IL10RB: variants seen among roughly 807,000 people sequenced by gnomAD.
IL10RB encodes interleukin-10 receptor subunit beta.
IL10RB carries 30 observed loss-of-function variants against 38.7 expected under a neutral mutation model. The ratio of observed to expected loss-of-function variants is 0.78; its 90% confidence interval spans 0.58 to 1.05. The LOEUF (loss-of-function observed/expected upper bound fraction) is 1.05. Among genes scored for constraint, IL10RB ranks in the 50% least tolerant of loss-of-function variants. IL10RB has a pLI of 0.00. For missense variants in IL10RB, 328 were observed against 397.1 expected (o/e 0.83, Z 1.48); for synonymous variants, 142 against 145.9 (o/e 0.97, Z 0.19).
intron 5 of IL10RB, among the ~76,000 whole-genome samples, chr21:33,286,160 C>T (rs1380981562): frequency 6.6e-6 from 1 of 152,196 alleles, no homozygotes; most frequent in Non-Finnish European, 1.5e-5. Context: ...CCACTTCCAT[C>T]CCTCAGACGT....
chr21:33,277,664 C>T (rs141061317), intron 3 of IL10RB, among the ~76,000 whole-genome samples: 5 of 129,200 alleles, frequency 3.9e-5, no homozygotes, highest in South Asian at 2.5e-4. Context: ...TTCTTTCTTT[C>T]TTTCTTTTTT....
In IL10RB at chr21:33,296,182, AG is replaced by A; in HGVS notation, c.805-1del. 6.2e-7 allele frequency: 1 copy of A among 1,612,660 alleles called. No individual in the cohort carries two copies. The highest frequency in any genetic ancestry group is 8.5e-7 in the Non-Finnish European group (1 of 1,178,620). On this transcript the variant is annotated splice_acceptor_variant, in intron 6 of 6. Transcript: ENST00000290200. LOFTEE classifies it high-confidence loss of function. ...CATTAACTGTCCTCTTTCCCTCCAC[AG>A]TTTTTGGGCCATCCTCATCATAACA... is the stretch of plus-strand genomic sequence containing the variant.
At chr21:33,280,453 T>C (rs1393656916) in intron 4 of IL10RB, among the ~76,000 whole-genome samples, 1 of 152,162 alleles carries the variant, frequency 6.6e-6, no homozygotes, top group Non-Finnish European at 1.5e-5. Context: ...GCATAATAAC[T>C]TACTTTATTA....
intron 1 of IL10RB, among the ~76,000 whole-genome samples, chr21:33,303,130 T>TATCC (rs2082990067): frequency 1.3e-5 from 2 of 152,250 alleles, no homozygotes; most frequent in African/African-American, 4.8e-5. Context: ...AAGACATTGT[T>TATCC]ATCCTCTCTG....
intron 2 of IL10RB, among the ~76,000 whole-genome samples, chr21:33,271,713 G>A (rs1399124448): frequency 2.0e-5 from 3 of 150,498 alleles, no homozygotes; most frequent in Non-Finnish European, 1.5e-5. Context: ...GGGTGACAGA[G>A]TGAGACTCCA....
At chr21:33,291,078 G>A (rs1444780356) in intron 6 of IL10RB, among the ~76,000 whole-genome samples, 1 of 152,208 alleles carries the variant, frequency 6.6e-6, no homozygotes, top group African/African-American at 2.4e-5. Context: ...TCTCTGCCTT[G>A]ATCTTCACAA....
At chr21:33,300,730 C>T (rs913930907), downstream of IL10RB, among the ~76,000 whole-genome samples, 4 of 151,262 alleles carry the variant, frequency 2.6e-5, no homozygotes, top group Admixed American at 6.6e-5. Flanking sequence ...TCTCTTCCAC[C>T]ATGTGAGGAC....
intron 6 of IL10RB, among the ~76,000 whole-genome samples, chr21:33,291,598 C>T (rs950992077): frequency 3.9e-5 from 6 of 152,168 alleles, no homozygotes; most frequent in African/African-American, 1.4e-4. Context: ...CAGAATTCAA[C>T]ACCTAACAGG....
downstream of IL10RB, among the ~76,000 whole-genome samples, chr21:33,299,328 T>C (rs554330307): frequency 1.9e-4 from 29 of 152,292 alleles, no homozygotes; most frequent in African/African-American, 6.7e-4. Flanking sequence ...AGAACACCTG[T>C]GGGAAAATGT....
chr21:33,302,027 T>C (rs1034522982), downstream of IL10RB, among the ~76,000 whole-genome samples: 1 of 152,236 alleles, frequency 6.6e-6, no homozygotes, highest in South Asian at 2.1e-4. Context: ...TTAGATTCCA[T>C]AGGATTGTAA....
At chr21:33,270,779 A>T (rs191464610) in intron 2 of IL10RB, among the ~76,000 whole-genome samples, 4 of 149,962 alleles carry the variant, frequency 2.7e-5, no homozygotes, top group African/African-American at 7.4e-5. Context: ...GGTTCAAGCG[A>T]TTCTCCTGCC....
chr21:33,279,009 G>A (rs144633308), intron 3 of IL10RB, among the ~76,000 whole-genome samples: 15 of 152,274 alleles, frequency 9.9e-5, no homozygotes, highest in East Asian at 1.9e-4. Flanking sequence ...AACAATGAAC[G>A]AGACAAAATA....
chr21:33,304,738 A>G (rs2082994856), intron 1 of IL10RB, among the ~76,000 whole-genome samples: 1 of 152,232 alleles, frequency 6.6e-6, no homozygotes, highest in African/African-American at 2.4e-5. Context: ...AAGACATGAA[A>G]TTGATGTTTC....
intron 1 of IL10RB, chr21:33,268,059 A>G (rs945411492): frequency 2.3e-6 from 1 of 431,502 alleles, no homozygotes; most frequent in African/African-American, 2.0e-5. Context: ...TTATGCATCA[A>G]ATGTATCAGG....
intron 6 of IL10RB, among the ~76,000 whole-genome samples, chr21:33,295,577 G>A (rs1568912703): frequency 6.7e-6 from 1 of 150,076 alleles, no homozygotes; most frequent in Non-Finnish European, 1.5e-5. Context: ...GAGGCTGAGG[G>A]AGGAGAATCT....
At chr21:33,274,421 G>C (rs191456891) in intron 2 of IL10RB, among the ~76,000 whole-genome samples, 2 of 152,130 alleles carry the variant, frequency 1.3e-5, no homozygotes, top group South Asian at 2.1e-4. Context: ...TGATTTGCCC[G>C]CCTTGGCCTC....
intron 6 of IL10RB, among the ~76,000 whole-genome samples, chr21:33,292,804 C>G (rs949052491): frequency 1.3e-5 from 2 of 152,240 alleles, no homozygotes; most frequent in African/African-American, 4.8e-5. Context: ...GTCACACATT[C>G]CCCAGGTTGG....
chr21:33,269,020 C>T (rs567776638), intron 2 of IL10RB, among the ~76,000 whole-genome samples: 1 of 152,260 alleles, frequency 6.6e-6, no homozygotes, highest in African/African-American at 2.4e-5. Flanking sequence ...TAACATCATG[C>T]CCCAGTGCCA....
intron 6 of IL10RB, 141 bp downstream of exon 6, chr21:33,288,402 CACAG>C (rs67118950): frequency 0.063 from 34,602 of 545,474 alleles, 45 homozygotes; most frequent in Non-Finnish European, 0.078. Flanking sequence ...CACACACACA[CACAG>C]ACACGCCTCT....
Sources: allele counts gnomAD v4.1 joint callset (sites outside exome capture counted in the v4.1 genomes callset), GRCh38; gene constraint gnomAD v4.1.1; transcripts MANE v1.5; gene names NCBI Gene and HGNC (gene_info 2026-07-23, HGNC 2026-07-21).